Variants in SARDH observed in about 807,000 individuals in gnomAD.
SARDH encodes the protein sarcosine dehydrogenase, mitochondrial.
Under a neutral mutation model 109.1 loss-of-function variants are expected in SARDH, and 95 were observed. That is an observed-to-expected ratio of 0.87 (90% CI 0.74 to 1.03). The LOEUF is 1.03. Ranked by LOEUF, SARDH falls within the 50% of genes least tolerant of loss-of-function variation. The probability of loss-of-function intolerance (pLI) is 0.00; values close to 1 mark genes in which losing one functional copy is unlikely to be tolerated. For synonymous variants in SARDH, 572 were observed against 534.8 expected, an observed-to-expected ratio of 1.07 and a Z score of -0.96; for missense variants, 1,267 against 1,287.8, an observed-to-expected ratio of 0.98 and a Z score of 0.25.
At chr9:133,700,841 T>C (rs1285304109) in intron 13 of SARDH, among the ~76,000 whole-genome samples, 1 of 152,202 alleles carries the variant, frequency 6.6e-6, no homozygotes, top group Non-Finnish European at 1.5e-5. Flanking sequence ...CTGTATGTTC[T>C]ACTTGGTCTT....
At position 133,669,443 on chromosome 9, in the gene SARDH, C is replaced by G. The variant is rs1050433625; in HGVS notation, c.2495+1141G>C. Among the ~76,000 whole-genome samples the G allele has an allele frequency of 3.3e-5, 5 of 150,270 alleles. No homozygotes were observed. In the East Asian group the frequency reaches 1.0e-3, roughly 30 times the overall value. On this transcript the variant is annotated intron_variant, in intron 19 of 20. Coordinates refer to ENST00000439388, the MANE Select transcript of SARDH (RefSeq NM_001134707.2). ...GCTGTCAGCTCCATGTCCACAGAGCCCAAAGCCGCCCACTTCCCCGGATAC... is the reference window on the plus strand; with the variant it reads ...GCTGTCAGCTCCATGTCCACAGAGCGCAAAGCCGCCCACTTCCCCGGATAC...
intron 19 of SARDH, among the ~76,000 whole-genome samples, chr9:133,668,310 TCTCCCCC>T (rs1830153553): frequency 6.3e-5 from 1 of 15,856 alleles, no homozygotes; most frequent in Admixed American, 5.3e-4. Context: ...TCTCCCTCCC[TCTCCCCC>T]ACCCTCCCTC....
chr9:133,687,876 G>A (rs2131374652), intron 16 of SARDH, among the ~76,000 whole-genome samples: 1 of 152,310 alleles, frequency 6.6e-6, no homozygotes, highest in East Asian at 1.9e-4. Context: ...TTGAAAGATA[G>A]AGGACATTTT....
chr9:133,725,632 T>C (rs1832463590), intron 6 of SARDH: 2 of 336,268 alleles, frequency 5.9e-6, no homozygotes, highest in Non-Finnish European at 1.2e-5. Context: ...GCTGACACTG[T>C]GCCACTGTAC....
In SARDH at chr9:133,709,387, C is replaced by T. The variant is rs1831829352; in HGVS notation, c.1329-959G>A. On this transcript the variant is annotated intron_variant, in intron 10 of 20. Transcript: ENST00000439388. The surrounding 1 kb of genome is among the most constrained non-coding windows in gnomAD (Gnocchi z 4.2). The stretch of plus-strand genomic sequence containing the variant: ...ACTGCTGGCTGGAGTGAGACCCGGG[C>T]CCAGCTGCATCAGGGCCCTGCAGCC... Among the ~76,000 whole-genome samples the T allele has an allele frequency of 2.6e-5, 4 of 152,128 alleles. No individual in the cohort carries two copies.
intron 19 of SARDH, among the ~76,000 whole-genome samples, chr9:133,668,210 G>C (rs574119205): frequency 6.6e-6 from 1 of 151,724 alleles, no homozygotes; most frequent in South Asian, 2.1e-4. Flanking sequence ...TGTCACACAA[G>C]AGACAGAGCC....
intron 1 of SARDH, among the ~76,000 whole-genome samples, chr9:133,735,618 C>G (rs1304589283): frequency 6.6e-6 from 1 of 152,204 alleles, no homozygotes; most frequent in Non-Finnish European, 1.5e-5. Flanking sequence ...TAACTGAGCT[C>G]GTTCAAGCAA....
chr9:133,702,738 A>G (rs1182835125), intron 13 of SARDH, among the ~76,000 whole-genome samples, 178 bp downstream of exon 13: 5 of 151,950 alleles, frequency 3.3e-5, no homozygotes, highest in African/African-American at 1.2e-4. Context: ...GAGGAGGGGG[A>G]GAGGAAAACG....
At position 133,712,361 on chromosome 9, in the gene SARDH, C is replaced by T. The variant is rs1354751008; in HGVS notation, c.1328+258G>A. On this transcript the variant is annotated intron_variant, in intron 10 of 20. Transcript: ENST00000439388. This position sits in a 1 kb window ranked among gnomAD's most constrained non-coding sequence, Gnocchi z 4.1. ...TGGGGTGATGCCATCCCACTGATGA[C>T]TCCAGAGCTGTCCAGGGGCTCAGGC... 6.6e-6 allele frequency among the ~76,000 whole-genome samples: 1 copy of T among 152,110 alleles called. No individual in the cohort carries two copies. Among genetic ancestry groups the T allele is most frequent in the Non-Finnish European group, 1.5e-5 (1 of 68,012 alleles).
intron 6 of SARDH, among the ~76,000 whole-genome samples, chr9:133,720,208 C>T (rs1832276922): frequency 6.6e-6 from 1 of 152,088 alleles, no homozygotes; most frequent in South Asian, 2.1e-4. Flanking sequence ...GGGTGAATCA[C>T]CTGAGGTCAG....
At chr9:133,731,846 A>G (rs1832693418) in intron 3 of SARDH, among the ~76,000 whole-genome samples, 1 of 152,174 alleles carries the variant, frequency 6.6e-6, no homozygotes, top group Non-Finnish European at 1.5e-5. Flanking sequence ...ATATAAGATA[A>G]ATAACCCCAC....
intron 17 of SARDH, among the ~76,000 whole-genome samples, chr9:133,673,471 G>A (rs985020651): frequency 7.2e-5 from 11 of 152,194 alleles, no homozygotes; most frequent in East Asian, 5.8e-4. Context: ...GCTGGGATAC[G>A]CCTGTGGGAA....
rs532565315 is a variant in SARDH, at chr9:133,704,200, G to C, written c.1554+748C>G. Reference sequence around the variant, plus strand: ...AGCTCTGGCTCTCATCTCCCCTCCCGATGCCCTGGAGCTCTGGAGCCTGGC... The same window carrying C: ...AGCTCTGGCTCTCATCTCCCCTCCCCATGCCCTGGAGCTCTGGAGCCTGGC... On this transcript the variant is annotated intron_variant, in intron 12 of 20. Transcript: ENST00000439388. The surrounding 1 kb of genome is among the most constrained non-coding windows in gnomAD (Gnocchi z 4.5). 6.6e-6 allele frequency among the ~76,000 whole-genome samples: 1 copy of C among 152,220 alleles called. No homozygotes were observed. Among genetic ancestry groups the C allele is most frequent in the South Asian group, 2.1e-4 (1 of 4,818 alleles).
upstream of SARDH, among the ~76,000 whole-genome samples, chr9:133,739,297 A>G (rs1283658121): frequency 2.0e-5 from 3 of 152,180 alleles, no homozygotes; most frequent in Non-Finnish European, 4.4e-5. Flanking sequence ...CGTATAGTAA[A>G]CTGCTGTAAT....
At chr9:133,689,906 G>A (rs995096635) in intron 16 of SARDH, among the ~76,000 whole-genome samples, 2 of 152,296 alleles carry the variant, frequency 1.3e-5, no homozygotes, top group African/African-American at 2.4e-5. Context: ...AACACAGCCC[G>A]GCAGGTGTTT....
rs774440032 is a variant in SARDH at position 133,733,766 on chromosome 9, T to C, written c.331+77A>G. ...AGGCTGGTTGTTGTGAACCAAGAAC[T>C]GTCCCAGCTAGCAATGGGCTGTGGC... is the stretch of plus-strand genomic sequence containing the variant. On this transcript the variant is annotated intron_variant, in intron 2 of 20. Transcript: ENST00000439388. 9.5e-5 allele frequency: 125 copies of C among 1,318,162 alleles called. No individual in the cohort carries two copies. In the Middle Eastern group the frequency reaches 1.3e-3, roughly 14 times the overall value. 81.7% of individuals were successfully genotyped at this position (1,318,162 alleles called of 1,614,324 possible). A position where few individuals can be genotyped will look rare whatever the true frequency, so the allele number is the denominator to read the frequency against.
intron 14 of SARDH, among the ~76,000 whole-genome samples, chr9:133,695,828 T>C (rs896743778): frequency 2.6e-5 from 4 of 152,178 alleles, no homozygotes; most frequent in African/African-American, 9.7e-5. Flanking sequence ...TGAGTCATTA[T>C]GTATCCAAAA....
At chr9:133,713,209 G>A in intron 8 of SARDH, 85 bp from the exon 9 acceptor site, 2 of 1,167,418 alleles carry the variant, frequency 1.7e-6, no homozygotes, top group Non-Finnish European at 2.5e-6. Context: ...CAGTGATCAG[G>A]CAGGGTCTGC....
chr9:133,673,405 G>A (rs1053716214), intron 17 of SARDH, among the ~76,000 whole-genome samples: 1 of 152,210 alleles, frequency 6.6e-6, no homozygotes, highest in Non-Finnish European at 1.5e-5. Context: ...CCCAGACAGC[G>A]GAGGAGCTGA....
Sources: gnomAD v4.1 joint callset for allele counts (sites outside exome capture counted in the v4.1 genomes callset) on GRCh38, gnomAD v4.1.1 for gene constraint, Gnocchi (gnomAD v3.1) non-coding constraint, MANE v1.5 for transcripts, NCBI Gene and HGNC (gene_info 2026-07-23, HGNC 2026-07-21) for gene names.